The following SFXN5 variants were observed in gnomAD, a reference collection of about 807,000 sequenced individuals.
SFXN5 encodes the protein sideroflexin-5.
Under a neutral mutation model 50.2 loss-of-function variants are expected in SFXN5, and 43 were observed. The observed-to-expected ratio is 0.86, with a 90% confidence interval of 0.67 to 1.11. SFXN5 has a LOEUF of 1.11. Among genes scored for constraint, SFXN5 ranks in the 50% least tolerant of loss-of-function variants. The pLI, the probability that SFXN5 is intolerant of heterozygous loss-of-function variation, is 0.00. For synonymous variants in SFXN5, 203 were observed against 185.8 expected, an observed-to-expected ratio of 1.09 and a Z score of -0.75; for missense variants, 463 against 454.1, an observed-to-expected ratio of 1.02 and a Z score of -0.18.
At chr2:73,058,210 C>A in intron 2 of SFXN5, 1 of 223,754 alleles carries the variant, frequency 4.5e-6, no homozygotes, top group Non-Finnish European at 8.9e-6. Flanking sequence ...TTCTAATGAG[C>A]AAATAACTTA....
chr2:73,005,879 C>T (rs1261267981), intron 6 of SFXN5, among the ~76,000 whole-genome samples: 1 of 150,454 alleles, frequency 6.6e-6, no homozygotes, highest in East Asian at 2.0e-4. Flanking sequence ...TGGACTGGGA[C>T]AATGCACTCC....
intron 9 of SFXN5, among the ~76,000 whole-genome samples, chr2:72,991,295 C>T (rs1172396914): frequency 6.6e-6 from 1 of 152,264 alleles, no homozygotes; most frequent in Non-Finnish European, 1.5e-5. Context: ...TCTGGCCTCT[C>T]CTTCCCTGAA....
chr2:72,992,345 C>A lies in SFXN5; in HGVS notation c.535-3997G>T, dbSNP rs547061127. 6.6e-6 allele frequency among the ~76,000 whole-genome samples: 1 copy of A among 152,256 alleles called. No individual in the cohort carries two copies. The highest frequency in any genetic ancestry group is 6.5e-5 in the Admixed American group (1 of 15,294). On this transcript the variant is annotated intron_variant, in intron 9 of 13. Transcript: ENST00000272433. This position sits in a 1 kb window ranked among gnomAD's most constrained non-coding sequence, Gnocchi z 4.5. ...TGGCTGTAGCCTTAAGTACCAAGGG[C>A]TTTCCGGGCCAACAACAGGCCAGCA...
intron 10 of SFXN5, among the ~76,000 whole-genome samples, chr2:72,979,590 T>C (rs1671051804): frequency 6.6e-6 from 1 of 152,134 alleles, no homozygotes; most frequent in Admixed American, 6.6e-5. Flanking sequence ...GCCGAGATCA[T>C]GCCACTGCAC....
At chr2:73,032,351 A>G (rs1383791695) in intron 3 of SFXN5, among the ~76,000 whole-genome samples, 1 of 152,184 alleles carries the variant, frequency 6.6e-6, no homozygotes, top group Non-Finnish European at 1.5e-5. Flanking sequence ...ATCCCTTGGG[A>G]CTTACTGGCT....
chr2:73,064,885 C>T (rs1043757185), intron 1 of SFXN5, among the ~76,000 whole-genome samples: 2 of 152,202 alleles, frequency 1.3e-5, no homozygotes, highest in Admixed American at 6.5e-5. Context: ...TTCCTGGACT[C>T]GGGTGATTCT....
chr2:73,036,685 G>T (rs562084292), intron 3 of SFXN5, among the ~76,000 whole-genome samples: 1 of 152,136 alleles, frequency 6.6e-6, no homozygotes, highest in Non-Finnish European at 1.5e-5. Flanking sequence ...GCCAACCTCA[G>T]CAAGAAAAGG....
At chr2:72,967,034 C>T (rs1674497172) in intron 12 of SFXN5, among the ~76,000 whole-genome samples, 1 of 152,214 alleles carries the variant, frequency 6.6e-6, no homozygotes, top group African/African-American at 2.4e-5. Flanking sequence ...CTTGAAGAGA[C>T]TAAGCTTTGC....
chr2:73,049,439 G>A (rs893815813), intron 2 of SFXN5: 1 of 152,264 alleles, frequency 6.6e-6, no homozygotes, highest in Non-Finnish European at 1.5e-5. Flanking sequence ...ATTTTTTTAA[G>A]AGTTGGGGTC....
intron 6 of SFXN5, among the ~76,000 whole-genome samples, chr2:73,016,747 T>C (rs1320706834): frequency 1.3e-5 from 2 of 152,004 alleles, no homozygotes; most frequent in Non-Finnish European, 1.5e-5. Flanking sequence ...AAAACAGATA[T>C]ACTGAGCGAA....
At chr2:73,048,863 A>T (rs1680853114) in intron 2 of SFXN5, among the ~76,000 whole-genome samples, 1 of 152,214 alleles carries the variant, frequency 6.6e-6, no homozygotes. Flanking sequence ...CTCCATTATA[A>T]AGGTACCCTT....
chr2:72,993,545 T>C (rs1362908232), intron 9 of SFXN5, among the ~76,000 whole-genome samples: 1 of 152,132 alleles, frequency 6.6e-6, no homozygotes, highest in Non-Finnish European at 1.5e-5. Context: ...CCCTTCTACA[T>C]GGGAGGGGGC....
chr2:73,009,721 T>A (rs959010985), intron 6 of SFXN5, among the ~76,000 whole-genome samples: 4 of 152,168 alleles, frequency 2.6e-5, no homozygotes, highest in African/African-American at 9.7e-5. Flanking sequence ...ATCGGTCCTG[T>A]TAGGACATTC....
chr2:73,061,690 T>C (rs10190861), intron 1 of SFXN5, among the ~76,000 whole-genome samples: 46,122 of 152,120 alleles, frequency 0.3, 8,151 homozygotes, highest in East Asian at 0.55. Flanking sequence ...AAAATGCTAA[T>C]AGAGATTGCC....
At chr2:72,966,931 C>T (rs1674482964) in intron 12 of SFXN5, among the ~76,000 whole-genome samples, 1 of 152,196 alleles carries the variant, frequency 6.6e-6, no homozygotes, top group Admixed American at 6.5e-5. Flanking sequence ...GATCAGACCC[C>T]AAATCTACTC....
At chr2:73,005,068 G>C (rs1674448392) in intron 6 of SFXN5, among the ~76,000 whole-genome samples, 1 of 152,156 alleles carries the variant, frequency 6.6e-6, no homozygotes, top group Admixed American at 6.5e-5. Flanking sequence ...TTCCAAGAGG[G>C]AAACGATTCA....
chr2:73,028,726 C>A (rs1677914381), intron 3 of SFXN5, among the ~76,000 whole-genome samples: 2 of 152,092 alleles, frequency 1.3e-5, no homozygotes, highest in African/African-American at 4.8e-5. Flanking sequence ...CCCAGTGAAA[C>A]AGATCATTGC....
intron 3 of SFXN5, among the ~76,000 whole-genome samples, chr2:73,035,352 C>A (rs570684637): frequency 6.6e-6 from 1 of 152,188 alleles, no homozygotes; most frequent in East Asian, 1.9e-4. Context: ...TTTTGTATAC[C>A]ATGGTTTTGT....
intron 10 of SFXN5, among the ~76,000 whole-genome samples, chr2:72,982,503 A>G (rs150209975): frequency 1.2e-4 from 19 of 152,218 alleles, no homozygotes; most frequent in Admixed American, 2.6e-4. Context: ...GAATAAACCC[A>G]CATTGAGCAC....
Sources: gnomAD v4.1 joint callset for allele counts (sites outside exome capture counted in the v4.1 genomes callset) on GRCh38, gnomAD v4.1.1 for gene constraint, Gnocchi (gnomAD v3.1) non-coding constraint, MANE v1.5 for transcripts, NCBI Gene and HGNC (gene_info 2026-07-23, HGNC 2026-07-21) for gene names.